The following CTIF variants were observed in gnomAD, a reference collection of about 807,000 sequenced individuals.
CTIF encodes the protein CBP80/20-dependent translation initiation factor.
CTIF carries 21 observed loss-of-function variants against 66.0 expected under a neutral mutation model. That is an observed-to-expected ratio of 0.32 (90% CI 0.23 to 0.46). The LOEUF (loss-of-function observed/expected upper bound fraction) is 0.46. Ranked by LOEUF, CTIF falls within the 20% of genes least tolerant of loss-of-function variation. The probability of loss-of-function intolerance (pLI) is 1.00; values close to 1 mark genes in which losing one functional copy is unlikely to be tolerated. For synonymous variants in CTIF, 345 were observed against 326.4 expected (o/e 1.06, Z -0.62); for missense variants, 739 against 812.7 (o/e 0.91, Z 1.10).
intron 9 of CTIF, among the ~76,000 whole-genome samples, chr18:48,803,395 A>G (rs1321758329): frequency 2.6e-5 from 4 of 152,218 alleles, no homozygotes; most frequent in Non-Finnish European, 4.4e-5. Flanking sequence ...TTTCATGTCC[A>G]TTGATTAGAG....
intron 9 of CTIF, among the ~76,000 whole-genome samples, chr18:48,768,669 C>T (rs1909814652): frequency 6.6e-6 from 1 of 152,080 alleles, no homozygotes; most frequent in Non-Finnish European, 1.5e-5. Context: ...CAGCACTTTG[C>T]AAGGCCAAGG....
intron 2 of CTIF, among the ~76,000 whole-genome samples, chr18:48,634,761 C>T (rs1274471711): frequency 1.3e-5 from 2 of 152,194 alleles, no homozygotes. Flanking sequence ...GCAAGGAGTG[C>T]CTCTGACACC....
intron 9 of CTIF, among the ~76,000 whole-genome samples, chr18:48,800,113 A>G (rs1363723689): frequency 6.6e-6 from 1 of 152,130 alleles, no homozygotes; most frequent in Non-Finnish European, 1.5e-5. Context: ...CTGGTTAGAG[A>G]AGCACCGTGG....
Position 48,761,286 on chromosome 18 carries a change from C to T in CTIF, c.1072-104C>T. 9.1e-7 allele frequency: 1 copy of T among 1,101,998 alleles called. No individual in the cohort carries two copies. Among genetic ancestry groups the T allele is most frequent in the Non-Finnish European group, 1.3e-6 (1 of 765,078 alleles). The allele number at this position is 1,101,998 out of a possible 1,614,324, so 68.3% of individuals were successfully genotyped here. Reference sequence around the variant, plus strand: ...AGCCCTCAGATCCAGGGAAGTAGGCCTGGTCCTGCTTTCTGGGGGTGGCCA... The same window carrying T: ...AGCCCTCAGATCCAGGGAAGTAGGCTTGGTCCTGCTTTCTGGGGGTGGCCA... On this transcript the variant is annotated intron_variant, in intron 8 of 11. Transcript: ENST00000256413. The surrounding 1 kb of genome is among the most constrained non-coding windows in gnomAD (Gnocchi z 4.2).
rs1050438889 is a variant in CTIF at position 48,674,479 on chromosome 18, C to T, written c.507+3735C>T. The stretch of plus-strand genomic sequence containing the variant: ...ATCTCTCAGTGGGTTACACACAGAG[C>T]GCATGCCACAATGAGTGGTTTTAGG... On this transcript the variant is annotated intron_variant, in intron 6 of 11. Transcript: ENST00000256413. Among the ~76,000 whole-genome samples, 10 of 152,350 alleles carry T rather than the reference C, an allele frequency of 6.6e-5. No homozygotes were observed. The South Asian group carries it at 1.4e-3, about 22-fold the overall frequency.
chr18:48,639,578 G>T (rs2090889634), intron 3 of CTIF, among the ~76,000 whole-genome samples: 1 of 152,160 alleles, frequency 6.6e-6, no homozygotes, highest in African/African-American at 2.4e-5. Flanking sequence ...TTTACACGAG[G>T]TCTCCTGTGG....
intron 9 of CTIF, among the ~76,000 whole-genome samples, chr18:48,785,472 TCAGGCATCCTA>T (rs1911624802): frequency 6.6e-6 from 1 of 152,196 alleles, no homozygotes; most frequent in Admixed American, 6.5e-5. Context: ...ACCCCTGCAG[TCAGGCATCCTA>T]CAGAAACCTG....
rs138899384 is a variant in CTIF at position 48,619,752 on chromosome 18, G to A, written c.180+7G>A. On this transcript the variant is annotated splice_region_variant and intron_variant, in intron 2 of 11. Coordinates refer to ENST00000256413, the MANE Select transcript of CTIF (RefSeq NM_014772.3). ...CCAGTCCCACATCTCCCAGGTGAGC[G>A]CGGGCCCGGGGTTGGGGCAGCTTGG... The A allele has an allele frequency of 1.7e-4, 260 of 1,560,784 alleles. No individual in the cohort carries two copies. The African/African-American group carries it at 2.6e-3, about 16-fold the overall frequency.
chr18:48,656,776 T>G (rs1240413348), intron 3 of CTIF, among the ~76,000 whole-genome samples: 1 of 152,210 alleles, frequency 6.6e-6, no homozygotes, highest in African/African-American at 2.4e-5. Flanking sequence ...TTGATAAGGC[T>G]TCTCAGAACC....
intron 6 of CTIF, among the ~76,000 whole-genome samples, chr18:48,688,962 G>C (rs2091885288): frequency 6.6e-6 from 1 of 152,240 alleles, no homozygotes; most frequent in African/African-American, 2.4e-5. Flanking sequence ...AGAACTGCAA[G>C]ACCACATAAG....
intron 1 of CTIF, among the ~76,000 whole-genome samples, chr18:48,590,552 C>A (rs1184394772): frequency 6.6e-6 from 1 of 152,214 alleles, no homozygotes; most frequent in Non-Finnish European, 1.5e-5. Context: ...CAAGGTCACA[C>A]AGTTAATGGC....
At chr18:48,839,599 GCACAACATGACTGGTGGGGCGGCTGAA>G in intron 10 of CTIF, among the ~76,000 whole-genome samples, 1 of 152,198 alleles carries the variant, frequency 6.6e-6, no homozygotes, top group Non-Finnish European at 1.5e-5. Flanking sequence ...TGCCTGTATT[GCACAACATGACTGGTGGGGCGGCTGAA>G]TCAGGATTAG....
At chr18:48,701,378 G>A (rs1210005842) in intron 6 of CTIF, among the ~76,000 whole-genome samples, 1 of 152,138 alleles carries the variant, frequency 6.6e-6, no homozygotes, top group African/African-American at 2.4e-5. Context: ...TCTCTTGTGC[G>A]TGTCCCGTGT....
intron 1 of CTIF, among the ~76,000 whole-genome samples, chr18:48,612,465 A>T (rs1351411983): frequency 6.6e-6 from 1 of 152,080 alleles, no homozygotes; most frequent in Non-Finnish European, 1.5e-5. Flanking sequence ...GAGAGAGGGG[A>T]TGGAGGGGAC....
intron 1 of CTIF, among the ~76,000 whole-genome samples, chr18:48,592,320 A>G (rs2089902452): frequency 6.6e-6 from 1 of 152,052 alleles, no homozygotes; most frequent in East Asian, 1.9e-4. Flanking sequence ...CCTGACCAAC[A>G]TGGAGAAACC....
intron 3 of CTIF, among the ~76,000 whole-genome samples, chr18:48,647,840 C>G (rs2091076407): frequency 6.6e-6 from 1 of 152,062 alleles, no homozygotes; most frequent in African/African-American, 2.4e-5. Context: ...CTCAGCCTCT[C>G]CTGTCATGAC....
At chr18:48,693,773 A>G (rs537832475) in intron 6 of CTIF, among the ~76,000 whole-genome samples, 1 of 152,320 alleles carries the variant, frequency 6.6e-6, no homozygotes, top group East Asian at 1.9e-4. Context: ...TTTTATAAAT[A>G]AAGCTTTATT....
chr18:48,568,543 T>G (rs1439470352), intron 1 of CTIF, among the ~76,000 whole-genome samples: 11 of 147,052 alleles, frequency 7.5e-5, no homozygotes, highest in Non-Finnish European at 1.2e-4. Context: ...ATTCTGGAAG[T>G]TGGATGTCCA....
At chr18:48,753,489 A>G (rs1394086760) in intron 7 of CTIF, among the ~76,000 whole-genome samples, 3 of 152,216 alleles carry the variant, frequency 2.0e-5, no homozygotes, top group Non-Finnish European at 4.4e-5. Context: ...GTCTTTTTGT[A>G]TAAAAGAGAG....
Sources: allele counts gnomAD v4.1 joint callset (sites outside exome capture counted in the v4.1 genomes callset), GRCh38; gene constraint gnomAD v4.1.1; non-coding constraint Gnocchi (gnomAD v3.1); transcripts MANE v1.5; gene names NCBI Gene and HGNC (gene_info 2026-07-23, HGNC 2026-07-21).